The following KCNQ5 variants were observed in gnomAD, a reference collection of about 807,000 sequenced individuals.
The protein encoded by KCNQ5 is potassium voltage-gated channel subfamily Q member 5.
In KCNQ5, 30 loss-of-function variants were observed where a neutral mutation model predicts 98.2. The observed-to-expected ratio is 0.31, with a 90% CI of 0.23 to 0.41. The LOEUF (loss-of-function observed/expected upper bound fraction) is 0.41, where lower values mean the gene tolerates loss of function less well. Ranked by LOEUF, KCNQ5 falls within the 10% of genes least tolerant of loss-of-function variation. The pLI, the probability that KCNQ5 is intolerant of heterozygous loss-of-function variation, is 1.00. For synonymous variants in KCNQ5, 458 were observed against 449.4 expected (o/e 1.02, Z -0.24); for missense variants, 835 against 1,182.5 (o/e 0.71, Z 4.31).
chr6:72,911,499 CCAGTTT>C (rs2150205996), intron 1 of KCNQ5, among the ~76,000 whole-genome samples: 1 of 152,146 alleles, frequency 6.6e-6, no homozygotes, highest in African/African-American at 2.4e-5. Context: ...TTGCAAGCCA[CCAGTTT>C]ATGGTGGTTT....
intron 12 of KCNQ5, among the ~76,000 whole-genome samples, chr6:73,191,367 T>C (rs58424716): frequency 0.028 from 4,308 of 152,290 alleles, 90 homozygotes; most frequent in East Asian, 0.068. Flanking sequence ...TCTACAAATA[T>C]ACTATCCTCC....
intron 1 of KCNQ5, among the ~76,000 whole-genome samples, chr6:72,746,978 C>T (rs1206545927): frequency 6.6e-6 from 1 of 151,982 alleles, no homozygotes; most frequent in Non-Finnish European, 1.5e-5. Context: ...TAAGTCTTGC[C>T]TAGAATGATA....
At chr6:73,067,863 G>GATATATATAT (rs71695883) in intron 3 of KCNQ5, among the ~76,000 whole-genome samples, 6 of 4,380 alleles carry the variant, frequency 1.4e-3, no homozygotes, top group African/African-American at 1.5e-3. Flanking sequence ...TTGGACAAAA[G>GATATATATAT]ATATATATAT....
chr6:72,652,268 G>A (rs535298400), intron 1 of KCNQ5, among the ~76,000 whole-genome samples: 1 of 150,698 alleles, frequency 6.6e-6, no homozygotes, highest in South Asian at 2.1e-4. Flanking sequence ...GTGAGAGAAA[G>A]AGGCTTTCTA....
intron 1 of KCNQ5, among the ~76,000 whole-genome samples, chr6:72,972,388 A>G (rs1008018387): frequency 4.6e-5 from 7 of 152,088 alleles, no homozygotes; most frequent in African/African-American, 7.2e-5. Flanking sequence ...CTTCTGAAAA[A>G]ACAAATGGAA....
chr6:72,865,343 G>A (rs185837196), intron 1 of KCNQ5, among the ~76,000 whole-genome samples: 121 of 152,130 alleles, frequency 8.0e-4, no homozygotes, highest in African/African-American at 2.8e-3. Flanking sequence ...AGGCAGTCTG[G>A]GCCAAAATAC....
chr6:72,830,800 C>A (rs1776226082), intron 1 of KCNQ5, among the ~76,000 whole-genome samples: 1 of 152,150 alleles, frequency 6.6e-6, no homozygotes, highest in African/African-American at 2.4e-5. Context: ...AACAGGCAAC[C>A]TACAGAATAG....
intron 10 of KCNQ5, among the ~76,000 whole-genome samples, chr6:73,140,293 C>T (rs773367761): frequency 1.1e-4 from 16 of 152,154 alleles, no homozygotes; most frequent in Non-Finnish European, 1.9e-4. Flanking sequence ...ATGTTTTTCT[C>T]AGTCTCCCCA....
chr6:72,622,312 C>T lies in KCNQ5; in HGVS notation c.123C>T (p.Ser41=), dbSNP rs3734212. The T allele has an allele frequency of 2.2e-6, 3 of 1,361,210 alleles. No individual in the cohort carries two copies. Among genetic ancestry groups the T allele is most frequent in the African/African-American group, 3.0e-5 (2 of 66,088 alleles). The allele number at this position is 1,361,210 out of a possible 1,614,324, so 84.3% of individuals were successfully genotyped here. Residue 41 remains serine (S), a synonymous_variant, in exon 1 of 14, where the codon TCC becomes TCT. Coordinates refer to ENST00000370398, the MANE Select transcript of KCNQ5 (RefSeq NM_019842.4). This position sits in a 1 kb window ranked among gnomAD's most constrained non-coding sequence, Gnocchi z 6.0. ...GCAGCGGCATGAAGGATGTGGAGTCCGGCCGGGGCAGGGTGCTGCTGAACT... is the reference window on the plus strand; with the variant it reads ...GCAGCGGCATGAAGGATGTGGAGTCTGGCCGGGGCAGGGTGCTGCTGAACT... ...RLGSGMKDVE[S]GRGRVLLNSA...
chr6:72,796,200 T>C (rs899004380), intron 1 of KCNQ5, among the ~76,000 whole-genome samples: 3 of 152,202 alleles, frequency 2.0e-5, no homozygotes, highest in African/African-American at 7.2e-5. Context: ...TGGAAGCAGT[T>C]ACAAAATATT....
At chr6:73,031,704 T>C (rs553734350) in intron 2 of KCNQ5, among the ~76,000 whole-genome samples, 2 of 152,202 alleles carry the variant, frequency 1.3e-5, no homozygotes, top group African/African-American at 4.8e-5. Context: ...ACAGAACACA[T>C]TGCTGATCTT....
At chr6:73,157,808 T>C in intron 10 of KCNQ5, 1 of 779,502 alleles carries the variant, frequency 1.3e-6, no homozygotes, top group Admixed American at 1.7e-5. Flanking sequence ...AGCTTGCTCT[T>C]GGCCATCTTG....
At chr6:72,970,212 TCACA>T (rs1767814228) in intron 1 of KCNQ5, among the ~76,000 whole-genome samples, 1 of 152,140 alleles carries the variant, frequency 6.6e-6, no homozygotes, top group Non-Finnish European at 1.5e-5. Context: ...TGAGCTGTAA[TCACA>T]CCACTGCACT....
chr6:73,010,770 T>C (rs1394834692), intron 2 of KCNQ5, among the ~76,000 whole-genome samples: 1 of 151,840 alleles, frequency 6.6e-6, no homozygotes, highest in Non-Finnish European at 1.5e-5. Flanking sequence ...ATGAAAACAA[T>C]TCCATTTATA....
intron 1 of KCNQ5, among the ~76,000 whole-genome samples, chr6:72,924,057 A>G (rs925558082): frequency 4.6e-5 from 7 of 152,208 alleles, no homozygotes; most frequent in Non-Finnish European, 7.3e-5. Flanking sequence ...GGTTACATGA[A>G]TAACATTCAA....
intron 3 of KCNQ5, among the ~76,000 whole-genome samples, chr6:73,061,402 A>T (rs1397281255): frequency 6.6e-6 from 1 of 152,214 alleles, no homozygotes; most frequent in Non-Finnish European, 1.5e-5. Flanking sequence ...CTAAATTAAA[A>T]GAATTATTGC....
At chr6:72,834,290 A>G (rs1366261959) in intron 1 of KCNQ5, among the ~76,000 whole-genome samples, 3 of 152,176 alleles carry the variant, frequency 2.0e-5, no homozygotes, top group African/African-American at 4.8e-5. Context: ...TTGACTGCAA[A>G]GTAACAACTC....
At chr6:72,687,405 G>T (rs1484104785) in intron 1 of KCNQ5, among the ~76,000 whole-genome samples, 1 of 152,144 alleles carries the variant, frequency 6.6e-6, no homozygotes, top group Non-Finnish European at 1.5e-5. Context: ...TGTCTACCAT[G>T]CTCCAAACAC....
At chr6:72,645,824 T>G (rs1765571142) in intron 1 of KCNQ5, among the ~76,000 whole-genome samples, 1 of 152,156 alleles carries the variant, frequency 6.6e-6, no homozygotes, top group Non-Finnish European at 1.5e-5. Context: ...TGGAAAAGGT[T>G]TTAATTTTTG....
Sources: gnomAD v4.1 joint callset for allele counts (sites outside exome capture counted in the v4.1 genomes callset) on GRCh38, gnomAD v4.1.1 for gene constraint, Gnocchi (gnomAD v3.1) non-coding constraint, MANE v1.5 for transcripts, NCBI Gene and HGNC (gene_info 2026-07-23, HGNC 2026-07-21) for gene names.